RBFOX1: variants seen among roughly 807,000 people sequenced by gnomAD.
RBFOX1 encodes RNA binding fox-1 homolog 1.
A neutral mutation model predicts 57.7 loss-of-function variants in RBFOX1; 8 were observed. The ratio of observed to expected loss-of-function variants is 0.14; its 90% CI spans 0.08 to 0.25. The LOEUF (loss-of-function observed/expected upper bound fraction) is 0.25. RBFOX1 is among the 10% of genes least tolerant of loss of function. The pLI is 1.00. For missense variants in RBFOX1, 611 were observed against 548.5 expected, an observed-to-expected ratio of 1.11 and a Z score of -1.14; for synonymous variants, 326 against 222.4, an observed-to-expected ratio of 1.47 and a Z score of -4.15.
chr16:7,374,326 A>G (rs1168529931), intron 4 of RBFOX1, among the ~76,000 whole-genome samples: 1 of 152,224 alleles, frequency 6.6e-6, no homozygotes, highest in African/African-American at 2.4e-5. Context: ...TGTTTGGCAC[A>G]ATACAGATAA....
intron 2 of RBFOX1, among the ~76,000 whole-genome samples, chr16:6,643,381 C>T (rs1407248817): frequency 6.6e-6 from 1 of 151,504 alleles, no homozygotes; most frequent in Non-Finnish European, 1.5e-5. Context: ...TTCATGTATT[C>T]AAGTAAACTG....
intron 14 of RBFOX1, among the ~76,000 whole-genome samples, chr16:7,687,274 A>T (rs2076268262): frequency 6.6e-6 from 1 of 152,122 alleles, no homozygotes; most frequent in African/African-American, 2.4e-5. Flanking sequence ...GGAGTAGAGT[A>T]TTAGTATTTT....
intron 2 of RBFOX1, among the ~76,000 whole-genome samples, chr16:6,354,872 A>G (rs1381140677): frequency 6.6e-6 from 1 of 152,194 alleles, no homozygotes; most frequent in Admixed American, 6.5e-5. Flanking sequence ...ATGAATAAAT[A>G]AACTGGGAGT....
At chr16:7,060,225 T>G (rs2053828335) in intron 4 of RBFOX1, among the ~76,000 whole-genome samples, 1 of 152,130 alleles carries the variant, frequency 6.6e-6, no homozygotes, top group South Asian at 2.1e-4. Flanking sequence ...CAGCCATAGA[T>G]AAAATGAATG....
intron 3 of RBFOX1, among the ~76,000 whole-genome samples, chr16:5,777,120 T>C (rs1386305300): frequency 6.6e-6 from 1 of 152,100 alleles, no homozygotes; most frequent in Non-Finnish European, 1.5e-5. Context: ...ACAACACAAA[T>C]TTATTACCTT....
At chr16:5,648,843 C>T (rs1253800690) in intron 3 of RBFOX1, among the ~76,000 whole-genome samples, 1 of 152,090 alleles carries the variant, frequency 6.6e-6, no homozygotes, top group Non-Finnish European at 1.5e-5. Context: ...GCAGGCGGAT[C>T]ACTTGAGGTC....
chr16:7,664,675 G>A lies in RBFOX1; in HGVS notation c.891-254G>A, dbSNP rs550290440. The stretch of plus-strand genomic sequence containing the variant: ...TGCCTTTCTGTACCCACTCCTGAGA[G>A]AGTGGGAAGTTTGGGACCTAGCACA... On this transcript the variant is annotated intron_variant, in intron 12 of 15. Transcript: ENST00000550418. 3.9e-5 allele frequency: 22 copies of A among 561,080 alleles called. No homozygotes were observed. The African/African-American group carries it at 3.9e-4, about 10-fold the overall frequency. The allele number at this position is 561,080 out of a possible 1,614,324, so 34.8% of individuals were successfully genotyped here.
chr16:7,474,511 G>A (rs1017195199), intron 4 of RBFOX1, among the ~76,000 whole-genome samples: 35 of 152,204 alleles, frequency 2.3e-4, no homozygotes, highest in African/African-American at 8.4e-4. Context: ...CTGGTGAACA[G>A]CCAACTATTT....
At chr16:6,119,514 C>T (rs1485478827) in intron 1 of RBFOX1, among the ~76,000 whole-genome samples, 7 of 152,174 alleles carry the variant, frequency 4.6e-5, no homozygotes, top group Non-Finnish European at 2.9e-5. Context: ...TTTGATGGCC[C>T]AATGGTGATT....
In RBFOX1 at chr16:7,172,196, A is replaced by T. The variant is rs74009286; in HGVS notation, c.27+120098A>T. The stretch of plus-strand genomic sequence containing the variant: ...TAAAGTGCATTGGAATGAGCCAATA[A>T]TTCCATATTTTCTTATATTACCTAA... On this transcript the variant is annotated intron_variant, in intron 4 of 15. Transcript: ENST00000550418. 5.7e-3 allele frequency among the ~76,000 whole-genome samples: 865 copies of T among 152,304 alleles called. 11 individuals carry two copies. Among genetic ancestry groups the T allele is most frequent in the African/African-American group, 0.02 (826 of 41,580 alleles).
chr16:6,423,593 ACT>A (rs1234406799), intron 2 of RBFOX1, among the ~76,000 whole-genome samples: 2 of 151,958 alleles, frequency 1.3e-5, no homozygotes, highest in African/African-American at 4.8e-5. Flanking sequence ...ACAGACTGAG[ACT>A]CTGTCTCAAA....
At chr16:7,458,523 G>A (rs1247536749) in intron 4 of RBFOX1, among the ~76,000 whole-genome samples, 2 of 151,854 alleles carry the variant, frequency 1.3e-5, no homozygotes, top group East Asian at 1.9e-4. Context: ...CTTATTTTTT[G>A]TCATTGTTAA....
chr16:5,259,057 G>A (rs1435608306), intron 1 of RBFOX1, among the ~76,000 whole-genome samples: 1 of 152,166 alleles, frequency 6.6e-6, no homozygotes, highest in South Asian at 2.1e-4. Context: ...CCCAGGGCTG[G>A]CTCTGATGCT....
intron 2 of RBFOX1, among the ~76,000 whole-genome samples, chr16:6,373,013 G>A (rs555354780): frequency 6.3e-4 from 96 of 151,776 alleles, no homozygotes; most frequent in African/African-American, 2.2e-3. Flanking sequence ...TGGGTAGGAG[G>A]ATGGTTGGGT....
intron 2 of RBFOX1, among the ~76,000 whole-genome samples, chr16:5,515,640 C>T (rs2043764651): frequency 6.6e-6 from 1 of 152,146 alleles, no homozygotes; most frequent in South Asian, 2.1e-4. Context: ...TTGAAGTAGT[C>T]ACTGCTATAA....
chr16:7,057,471 C>T (rs972645437), intron 4 of RBFOX1, among the ~76,000 whole-genome samples: 5 of 152,226 alleles, frequency 3.3e-5, no homozygotes, highest in Admixed American at 6.5e-5. Flanking sequence ...GCACACATCA[C>T]ACCTTCTAGC....
chr16:7,387,257 G>A (rs757245642), intron 4 of RBFOX1, among the ~76,000 whole-genome samples: 1 of 152,084 alleles, frequency 6.6e-6, no homozygotes, highest in Non-Finnish European at 1.5e-5. Context: ...TGCTAAATTA[G>A]TATAGGATTA....
chr16:6,479,992 G>C (rs1229304365), intron 2 of RBFOX1, among the ~76,000 whole-genome samples: 2 of 150,486 alleles, frequency 1.3e-5, no homozygotes, highest in Non-Finnish European at 2.9e-5. Context: ...AGAGGTTGCA[G>C]TGAGCTGAGA....
chr16:6,120,758 A>T (rs186108053), intron 1 of RBFOX1, among the ~76,000 whole-genome samples: 1 of 152,210 alleles, frequency 6.6e-6, no homozygotes, highest in East Asian at 1.9e-4. Context: ...TTAGCAACTC[A>T]GATCTGTCCC....
Sources: gnomAD v4.1 joint callset for allele counts (sites outside exome capture counted in the v4.1 genomes callset) on GRCh38, gnomAD v4.1.1 for gene constraint, MANE v1.5 for transcripts, NCBI Gene and HGNC (gene_info 2026-07-23, HGNC 2026-07-21) for gene names.